CCDC7: variants seen among roughly 807,000 people sequenced by gnomAD.
CCDC7 encodes the protein coiled-coil domain-containing protein 7.
A neutral mutation model predicts 196.9 loss-of-function variants in CCDC7; 183 were observed. That is an observed-to-expected ratio of 0.93 (90% confidence interval 0.82 to 1.05). CCDC7 has a LOEUF of 1.05. Among genes scored for constraint, CCDC7 ranks in the 50% least tolerant of loss-of-function variants. The pLI, the probability that CCDC7 is intolerant of heterozygous loss-of-function variation, is 0.00. For missense variants in CCDC7, 1,540 were observed against 1,482.2 expected (o/e 1.04, Z -0.64); for synonymous variants, 525 against 484.6 (o/e 1.08, Z -1.10).
intron 33 of CCDC7, among the ~76,000 whole-genome samples, chr10:32,835,787 C>T (rs1007729343): frequency 6.6e-6 from 1 of 152,022 alleles, no homozygotes; most frequent in Non-Finnish European, 1.5e-5. Context: ...CCCCATGACA[C>T]AAGTTTACCT....
At chr10:32,845,311 C>T (rs549718648) in exon 34 of CCDC7, 2 of 1,568,784 alleles carry the variant, frequency 1.3e-6, no homozygotes, top group African/African-American at 1.4e-5. Context: ...CAATGCACAA[C>T]TAAAGGGTCA....
intron 15 of CCDC7, among the ~76,000 whole-genome samples, chr10:32,571,265 T>A (rs2057520882): frequency 6.6e-6 from 1 of 152,178 alleles, no homozygotes; most frequent in African/African-American, 2.4e-5. Flanking sequence ...TGCCTCGGCC[T>A]CCCAAAGTGC....
At chr10:32,741,447 C>T (rs1181267002) in intron 28 of CCDC7, among the ~76,000 whole-genome samples, 1 of 152,148 alleles carries the variant, frequency 6.6e-6, no homozygotes, top group Non-Finnish European at 1.5e-5. Context: ...TCCAGGACCA[C>T]CCCTTCATAC....
chr10:32,656,157 T>C (rs1052872051), intron 20 of CCDC7, among the ~76,000 whole-genome samples: 2 of 152,212 alleles, frequency 1.3e-5, no homozygotes, highest in East Asian at 3.8e-4. Flanking sequence ...TCTAGTAGTT[T>C]TATTGTTTTA....
chr10:32,767,631 G>T (rs2078526745), intron 28 of CCDC7, among the ~76,000 whole-genome samples: 1 of 151,856 alleles, frequency 6.6e-6, no homozygotes, highest in South Asian at 2.1e-4. Flanking sequence ...AAAATCAGCT[G>T]TCTGAAGAAG....
chr10:32,825,985 C>T (rs1358676735), intron 32 of CCDC7, among the ~76,000 whole-genome samples: 2 of 152,174 alleles, frequency 1.3e-5, no homozygotes, highest in Non-Finnish European at 2.9e-5. Flanking sequence ...TCCCCATCCC[C>T]AGTAGTGACA....
intron 20 of CCDC7, among the ~76,000 whole-genome samples, chr10:32,648,656 C>T (rs1441885901): frequency 6.6e-6 from 1 of 152,168 alleles, no homozygotes; most frequent in Non-Finnish European, 1.5e-5. Context: ...CCTTTTCCTC[C>T]ACAACCTCGC....
At chr10:32,451,611 A>G, upstream of CCDC7, 1 of 1,537,660 alleles carries the variant, frequency 6.5e-7, no homozygotes, top group Non-Finnish European at 8.7e-7. Flanking sequence ...AGTTTTTTTC[A>G]TCTGTAATTT....
intron 30 of CCDC7, among the ~76,000 whole-genome samples, chr10:32,813,915 G>T (rs1327865615): frequency 6.6e-6 from 1 of 151,850 alleles, no homozygotes; most frequent in Non-Finnish European, 1.5e-5. Context: ...TTCCAATCCA[G>T]ACATTTCATT....
intron 31 of CCDC7, among the ~76,000 whole-genome samples, chr10:32,820,386 C>T (rs2089921264): frequency 6.6e-6 from 1 of 152,174 alleles, no homozygotes; most frequent in Admixed American, 6.5e-5. Context: ...AATGGCCATA[C>T]TGCCCAAGGT....
intron 18 of CCDC7, among the ~76,000 whole-genome samples, chr10:32,587,972 T>G (rs1270832212): frequency 6.6e-6 from 1 of 152,212 alleles, no homozygotes; most frequent in Non-Finnish European, 1.5e-5. Context: ...GATTAGGTCA[T>G]GGAGGCCTTG....
At chr10:32,837,737 A>G (rs549431245) in intron 33 of CCDC7, among the ~76,000 whole-genome samples, 3 of 152,284 alleles carry the variant, frequency 2.0e-5, no homozygotes, top group Non-Finnish European at 4.4e-5. Context: ...ATGGAATACC[A>G]TGCAGCCATA....
chr10:32,517,902 A>G (rs929483182), intron 9 of CCDC7, 43 bp from the exon 11 acceptor site: 2 of 1,564,548 alleles, frequency 1.3e-6, no homozygotes, highest in African/African-American at 2.8e-5. Flanking sequence ...ATTAAAATAT[A>G]AATGTACAAT....
In CCDC7 at chr10:32,823,647, T is replaced by G. The variant is rs761740129; in HGVS notation, c.3182-871T>G. Among the ~76,000 whole-genome samples, 5 of 152,314 alleles carry G rather than the reference T, an allele frequency of 3.3e-5. No homozygotes were observed. The East Asian group carries it at 9.6e-4, about 29-fold the overall frequency. On this transcript the variant is annotated intron_variant, in intron 31 of 41. Transcript: ENST00000639629. ...ATTACATGCTCTGCTAAAACCAACT[T>G]TGACACAAAAAACTTCAGGTTTAAT...
intron 18 of CCDC7, among the ~76,000 whole-genome samples, chr10:32,621,280 T>C (rs2063380035): frequency 6.6e-6 from 1 of 152,234 alleles, no homozygotes; most frequent in Admixed American, 6.5e-5. Flanking sequence ...AAGATACCGC[T>C]GTCTCTTCTT....
chr10:32,809,701 T>C (rs1170711333), intron 30 of CCDC7, among the ~76,000 whole-genome samples: 2 of 152,158 alleles, frequency 1.3e-5, no homozygotes, highest in Non-Finnish European at 2.9e-5. Flanking sequence ...CCAGTTAGAA[T>C]GGCAATCATT....
intron 18 of CCDC7, among the ~76,000 whole-genome samples, chr10:32,585,420 G>A (rs962921214): frequency 6.6e-6 from 1 of 152,098 alleles, no homozygotes; most frequent in South Asian, 2.1e-4. Flanking sequence ...TACATGTGCA[G>A]AACGTGCAGG....
chr10:32,736,933 A>G (rs192188368), intron 28 of CCDC7, among the ~76,000 whole-genome samples: 265 of 152,236 alleles, frequency 1.7e-3, no homozygotes, highest in Middle Eastern at 3.4e-3. Context: ...TCCTTGATTT[A>G]TTCCTTATCT....
chr10:32,459,203 A>G (rs1310051242), intron 3 of CCDC7, among the ~76,000 whole-genome samples: 1 of 152,106 alleles, frequency 6.6e-6, no homozygotes, highest in Non-Finnish European at 1.5e-5. Flanking sequence ...TTCTATGTAT[A>G]TGATATGTAT....
Sources: gnomAD v4.1 joint callset for allele counts (sites outside exome capture counted in the v4.1 genomes callset) on GRCh38, gnomAD v4.1.1 for gene constraint, MANE v1.5 for transcripts, NCBI Gene and HGNC (gene_info 2026-07-23, HGNC 2026-07-21) for gene names.